Variants in FRMD4B observed in about 807,000 individuals in gnomAD.
FRMD4B encodes the protein FERM domain-containing protein 4B.
Under a neutral mutation model 141.5 loss-of-function variants are expected in FRMD4B, and 74 were observed. The observed-to-expected ratio is 0.52, with a 90% confidence interval of 0.43 to 0.63. The LOEUF is 0.63. Ranked by LOEUF, FRMD4B falls within the 30% of genes least tolerant of loss-of-function variation. The pLI is 0.00. For missense variants in FRMD4B, 1,366 were observed against 1,253.4 expected (o/e 1.09, Z -1.36); for synonymous variants, 506 against 467.9 (o/e 1.08, Z -1.05).
chr3:69,439,475 A>G (rs979077300), intron 1 of FRMD4B, among the ~76,000 whole-genome samples: 1 of 152,184 alleles, frequency 6.6e-6, no homozygotes, highest in African/African-American at 2.4e-5. Flanking sequence ...TTATTTGGAA[A>G]TGTGGGAGAA....
intron 1 of FRMD4B, among the ~76,000 whole-genome samples, chr3:69,371,531 G>A (rs1703823761): frequency 6.6e-6 from 1 of 152,164 alleles, no homozygotes; most frequent in Non-Finnish European, 1.5e-5. Context: ...AGGTGGGGTT[G>A]AGAAAACACT....
At chr3:69,255,712 T>G (rs56154921) in intron 5 of FRMD4B, among the ~76,000 whole-genome samples, 11 of 152,138 alleles carry the variant, frequency 7.2e-5, no homozygotes, top group Non-Finnish European at 1.5e-4. Flanking sequence ...ATCAATTTTT[T>G]GGGGGAGGAT....
chr3:69,287,522 A>G (rs1276863800), intron 5 of FRMD4B: 4 of 524,710 alleles, frequency 7.6e-6, no homozygotes, highest in Non-Finnish European at 1.4e-5. Flanking sequence ...AGTAGTAGTG[A>G]TTGTGCATAT....
intron 7 of FRMD4B, among the ~76,000 whole-genome samples, chr3:69,235,150 AAAT>A (rs55995422): frequency 0.13 from 17,592 of 133,878 alleles, 1,221 homozygotes; most frequent in Non-Finnish European, 0.13. Flanking sequence ...ACCCTGTCTC[AAAT>A]AATAATAATA....
At chr3:69,186,041 C>CAA (rs551712481) in intron 19 of FRMD4B, among the ~76,000 whole-genome samples, 21 of 81,636 alleles carry the variant, frequency 2.6e-4, no homozygotes, top group African/African-American at 7.5e-4. Context: ...GACTCTGTCT[C>CAA]AAAAAAAAAA....
intron 11 of FRMD4B, among the ~76,000 whole-genome samples, chr3:69,211,879 G>A (rs947605651): frequency 6.6e-6 from 1 of 152,106 alleles, no homozygotes; most frequent in Non-Finnish European, 1.5e-5. Context: ...TCTTTCATTT[G>A]TGCAAACTAG....
At chr3:69,336,456 G>C (rs1272380925) in intron 1 of FRMD4B, 1 of 152,270 alleles carries the variant, frequency 6.6e-6, no homozygotes, top group African/African-American at 2.4e-5. Context: ...AGGCTTTTAG[G>C]CATGGAGAAG....
chr3:69,418,976 G>A (rs1462682351), intron 2 of FRMD4B, among the ~76,000 whole-genome samples: 1 of 152,084 alleles, frequency 6.6e-6, no homozygotes, highest in African/African-American at 2.4e-5. Context: ...AAGATATAAG[G>A]TAGAGAATGA....
chr3:69,502,880 GAACA>G lies in FRMD4B; in HGVS notation c.-129+39322_-129+39325del, dbSNP rs541255285. On this transcript the variant is annotated intron_variant, in intron 1 of 5. Transcript: ENST00000459638. ...CCATCAAAAAGTGGGCAAAGGATAT[GAACA>G]GACACTTCTCAAGAGAAGACATTTA... Among the ~76,000 whole-genome samples, 272 of 152,296 alleles carry G rather than the reference GAACA, an allele frequency of 1.8e-3. 1 individual carries two copies. Among genetic ancestry groups the G allele is most frequent in the African/African-American group, 6.4e-3 (264 of 41,548 alleles).
intron 2 of FRMD4B, among the ~76,000 whole-genome samples, chr3:69,411,046 G>A (rs760023310): frequency 6.6e-6 from 1 of 151,982 alleles, no homozygotes; most frequent in Non-Finnish European, 1.5e-5. Context: ...ACTAGAGATG[G>A]CATCCCTGAT....
chr3:69,434,426 T>A (rs978789990), intron 1 of FRMD4B, among the ~76,000 whole-genome samples: 1 of 152,138 alleles, frequency 6.6e-6, no homozygotes, highest in African/African-American at 2.4e-5. Flanking sequence ...TTGTCTGAGG[T>A]TACACACAAC....
At chr3:69,177,207 C>T (rs544201100) in intron 21 of FRMD4B, among the ~76,000 whole-genome samples, 6 of 151,968 alleles carry the variant, frequency 3.9e-5, no homozygotes, top group East Asian at 1.9e-4. Context: ...GGCATGGTGG[C>T]GCATGCCTAT....
chr3:69,531,921 G>GT (rs778563946), intron 1 of FRMD4B, among the ~76,000 whole-genome samples: 3 of 152,212 alleles, frequency 2.0e-5, no homozygotes, highest in Non-Finnish European at 4.4e-5. Context: ...CTTTCAGGCA[G>GT]TAAAAGAGCA....
chr3:69,205,406 C>T (rs2093015049), intron 11 of FRMD4B, among the ~76,000 whole-genome samples: 1 of 152,088 alleles, frequency 6.6e-6, no homozygotes, highest in South Asian at 2.1e-4. Flanking sequence ...ATGGGGTCTT[C>T]CTGTGTTGCC....
chr3:69,339,137 T>C (rs1702651108), intron 1 of FRMD4B, among the ~76,000 whole-genome samples: 1 of 152,202 alleles, frequency 6.6e-6, no homozygotes, highest in African/African-American at 2.4e-5. Context: ...TGAAGGTCCA[T>C]GGTGTTCTAC....
At chr3:69,357,149 C>T (rs978422475) in intron 1 of FRMD4B, among the ~76,000 whole-genome samples, 5 of 152,150 alleles carry the variant, frequency 3.3e-5, no homozygotes, top group Admixed American at 6.5e-5. Flanking sequence ...GGGATTCAGT[C>T]GTGAGGAAAT....
At chr3:69,199,531 G>C (rs1032938996) in intron 11 of FRMD4B, among the ~76,000 whole-genome samples, 10 of 152,208 alleles carry the variant, frequency 6.6e-5, no homozygotes, top group Non-Finnish European at 1.2e-4. Flanking sequence ...CCCCATGCAG[G>C]GGTGATTCTC....
chr3:69,385,941 T>A lies in FRMD4B; in HGVS notation c.49A>T (p.Ser17Cys). The stretch of plus-strand genomic sequence containing the variant: ...ACGGTCAAGTTCCATACGAAGCGGC[T>A]GCCGCTGAACAGCAGGTCCTCCACG... ...CGVEDLLFSGSRFVWNLTVST... is the reference protein window; with the variant it reads ...CGVEDLLFSGCRFVWNLTVST... The change falls in exon 1 of 23, where the codon AGC becomes TGC. Residue 17 changes from serine to cysteine, a missense_variant. Physicochemically the swap from Ser to Cys is moderately radical, Grantham distance 112. Coordinates refer to ENST00000398540, the MANE Select transcript of FRMD4B (RefSeq NM_015123.3). 6.2e-7 allele frequency: 1 copy of A among 1,605,776 alleles called. No individual in the cohort carries two copies.
intron 7 of FRMD4B, among the ~76,000 whole-genome samples, chr3:69,235,305 G>C (rs1476505159): frequency 6.6e-6 from 1 of 151,882 alleles, no homozygotes; most frequent in Non-Finnish European, 1.5e-5. Context: ...GGAGACTCTA[G>C]CAAGTGACCT....
Sources: gnomAD v4.1 joint callset for allele counts (sites outside exome capture counted in the v4.1 genomes callset) on GRCh38, gnomAD v4.1.1 for gene constraint, MANE v1.5 for transcripts, NCBI Gene and HGNC (gene_info 2026-07-23, HGNC 2026-07-21) for gene names.